PLD1: variants seen among roughly 807,000 people sequenced by gnomAD.
PLD1 encodes phospholipase D1.
PLD1 carries 112 observed loss-of-function variants against 137.1 expected under a neutral mutation model. The observed-to-expected ratio is 0.82, with a 90% CI of 0.70 to 0.96. The LOEUF (loss-of-function observed/expected upper bound fraction) is 0.96, where lower values mean the gene tolerates loss of function less well. Among genes scored for constraint, PLD1 ranks in the 40% least tolerant of loss-of-function variants. The probability of loss-of-function intolerance (pLI) is 0.00; values close to 1 mark genes in which losing one functional copy is unlikely to be tolerated. For missense variants in PLD1, 1,321 were observed against 1,342.0 expected, an observed-to-expected ratio of 0.98 and a Z score of 0.24; for synonymous variants, 431 against 454.7, an observed-to-expected ratio of 0.95 and a Z score of 0.66.
Position 171,699,699 on chromosome 3 carries a change from C to T in PLD1, c.1227+46G>A, listed in dbSNP as rs762267573. On this transcript the variant is annotated intron_variant, in intron 12 of 26. Transcript: ENST00000351298. ...GAAAAGAAAAGCATTTCAGAGACAA[C>T]AGACAGTTAAAAAATTATATCAGCA... The T allele has an allele frequency of 5.2e-6, 7 of 1,339,344 alleles. No individual in the cohort carries two copies. In the African/African-American group the frequency reaches 7.2e-5, roughly 14 times the overall value. The allele number at this position is 1,339,344 out of a possible 1,614,324, so 83.0% of individuals were successfully genotyped here.
intron 23 of PLD1, among the ~76,000 whole-genome samples, chr3:171,636,879 G>A (rs556374221): frequency 6.6e-6 from 1 of 151,482 alleles, no homozygotes; most frequent in South Asian, 2.1e-4. Context: ...TAAGTATGAT[G>A]TCAGCTTATA....
At chr3:171,711,156 A>G (rs1578332537) in intron 9 of PLD1, among the ~76,000 whole-genome samples, 1 of 141,378 alleles carries the variant, frequency 7.1e-6, no homozygotes, top group African/African-American at 2.7e-5. Flanking sequence ...GGCATGAGCC[A>G]CTGTGCCAGC....
chr3:171,751,218 A>T (rs1720634700), intron 1 of PLD1, among the ~76,000 whole-genome samples: 1 of 152,250 alleles, frequency 6.6e-6, no homozygotes, highest in African/African-American at 2.4e-5. Flanking sequence ...AAAGAGCTAA[A>T]CATGAACTAC....
intron 1 of PLD1, among the ~76,000 whole-genome samples, chr3:171,806,280 G>A (rs994089734): frequency 3.3e-5 from 5 of 152,162 alleles, no homozygotes; most frequent in South Asian, 2.1e-4. Context: ...AAACACTTAC[G>A]TAACATACAC....
intron 8 of PLD1, chr3:171,721,219 G>C (rs896171927): frequency 6.6e-6 from 1 of 152,216 alleles, no homozygotes. Context: ...CTTAGGTTGG[G>C]TTGTCCCAGA....
chr3:171,738,061 G>C lies in PLD1; in HGVS notation c.-10C>G, dbSNP rs765444302. 10 of 1,608,716 alleles carry C rather than the reference G, an allele frequency of 6.2e-6. No homozygotes were observed. In the Admixed American group the frequency reaches 1.2e-4, roughly 19 times the overall value. ...CGTTTTTCAGTGACATGTTAACTTT[G>C]GACAGAGTAAAAGCAAAGGGGCTAG... is the stretch of plus-strand genomic sequence containing the variant. On this transcript the variant is annotated 5_prime_UTR_variant, in exon 2 of 27. Transcript: ENST00000351298.
intron 1 of PLD1, among the ~76,000 whole-genome samples, chr3:171,788,201 A>T (rs1193464908): frequency 4.6e-5 from 7 of 150,904 alleles, no homozygotes; most frequent in Admixed American, 3.9e-4. Context: ...CTCAAAAAAA[A>T]AAAAATAATA....
chr3:171,773,711 C>T (rs1722488257), intron 1 of PLD1, among the ~76,000 whole-genome samples: 1 of 152,142 alleles, frequency 6.6e-6, no homozygotes, highest in South Asian at 2.1e-4. Context: ...AGTACCAACT[C>T]ATTTAAACAT....
intron 23 of PLD1, among the ~76,000 whole-genome samples, chr3:171,623,533 AG>A (rs1733826260): frequency 6.6e-6 from 1 of 151,470 alleles, no homozygotes; most frequent in South Asian, 2.1e-4. Flanking sequence ...CATGTTAGCC[AG>A]GATGGTCTCG....
chr3:171,616,970 C>T (rs1224728036), intron 24 of PLD1, among the ~76,000 whole-genome samples: 3 of 152,296 alleles, frequency 2.0e-5, no homozygotes, highest in African/African-American at 4.8e-5. Context: ...TTTCTGCCTA[C>T]TTGTATTTCC....
intron 8 of PLD1, among the ~76,000 whole-genome samples, chr3:171,719,532 C>G (rs1717934221): frequency 6.6e-6 from 1 of 152,156 alleles, no homozygotes; most frequent in Admixed American, 6.5e-5. Flanking sequence ...GACACTATCA[C>G]TGTCTAAAAA....
At chr3:171,737,270 A>G (rs1719433241) in intron 3 of PLD1, among the ~76,000 whole-genome samples, 1 of 152,232 alleles carries the variant, frequency 6.6e-6, no homozygotes, top group African/African-American at 2.4e-5. Flanking sequence ...CAATTTATTA[A>G]ACTGTTAATT....
chr3:171,691,720 C>T (rs1450463865), intron 13 of PLD1, among the ~76,000 whole-genome samples: 1 of 152,026 alleles, frequency 6.6e-6, no homozygotes, highest in Non-Finnish European at 1.5e-5. Context: ...GGAGAAAACA[C>T]TTTCATTTTT....
At chr3:171,609,344 C>G (rs1391318958) in intron 25 of PLD1, among the ~76,000 whole-genome samples, 10 of 152,078 alleles carry the variant, frequency 6.6e-5, no homozygotes, top group Non-Finnish European at 1.2e-4. Flanking sequence ...TCTCAAAGAG[C>G]TAAATATAGA....
At chr3:171,747,584 C>T (rs1202696008) in intron 1 of PLD1, among the ~76,000 whole-genome samples, 1 of 152,002 alleles carries the variant, frequency 6.6e-6, no homozygotes, top group East Asian at 1.9e-4. Context: ...ACCAGGATTC[C>T]AAAGCCCATG....
intron 23 of PLD1, among the ~76,000 whole-genome samples, chr3:171,641,367 T>C (rs1431013716): frequency 6.6e-6 from 1 of 152,212 alleles, no homozygotes; most frequent in Non-Finnish European, 1.5e-5. Flanking sequence ...TGTAGGACTA[T>C]ATTTTTGGAG....
chr3:171,755,999 C>T (rs1174718517), intron 1 of PLD1, among the ~76,000 whole-genome samples: 2 of 152,182 alleles, frequency 1.3e-5, no homozygotes, highest in African/African-American at 4.8e-5. Context: ...TGGAACTCAT[C>T]CTTAGCAATT....
chr3:171,746,485 T>C (rs140332076), intron 1 of PLD1, among the ~76,000 whole-genome samples: 1,694 of 151,858 alleles, frequency 0.011, 39 homozygotes, highest in African/African-American at 0.039. Context: ...CTTGGAGAAC[T>C]TTTATGTCCA....
At chr3:171,778,216 G>C (rs1271991709) in intron 1 of PLD1, among the ~76,000 whole-genome samples, 2 of 151,974 alleles carry the variant, frequency 1.3e-5, no homozygotes, top group Non-Finnish European at 2.9e-5. Context: ...TCATTTTTCA[G>C]GTGATGAAAA....
Sources: gnomAD v4.1 joint callset for allele counts (sites outside exome capture counted in the v4.1 genomes callset) on GRCh38, gnomAD v4.1.1 for gene constraint, MANE v1.5 for transcripts, NCBI Gene and HGNC (gene_info 2026-07-23, HGNC 2026-07-21) for gene names.